The following NKAIN3 variants were observed in gnomAD, a reference collection of about 807,000 sequenced individuals.
The protein encoded by NKAIN3 is sodium/potassium-transporting ATPase subunit beta-1-interacting protein 3.
A neutral mutation model predicts 30.2 loss-of-function variants in NKAIN3; 25 were observed. The ratio of observed to expected loss-of-function variants is 0.83; its 90% CI spans 0.60 to 1.16. The LOEUF (loss-of-function observed/expected upper bound fraction) is 1.16, where lower values mean the gene tolerates loss of function less well. Ranked by LOEUF, NKAIN3 falls within the 50% of genes most tolerant of loss-of-function variation. NKAIN3 has a pLI of 0.00. For missense variants in NKAIN3, 225 were observed against 254.1 expected, an observed-to-expected ratio of 0.89 and a Z score of 0.78; for synonymous variants, 91 against 89.6, an observed-to-expected ratio of 1.02 and a Z score of -0.09.
At chr8:62,255,106 C>G (rs1015985686) in intron 1 of NKAIN3, among the ~76,000 whole-genome samples, 1 of 151,968 alleles carries the variant, frequency 6.6e-6, no homozygotes, top group African/African-American at 2.4e-5. Flanking sequence ...GGTTATTAAG[C>G]TAAAATGAAG....
At chr8:62,364,967 T>C (rs1374222541) in intron 1 of NKAIN3, among the ~76,000 whole-genome samples, 2 of 152,108 alleles carry the variant, frequency 1.3e-5, no homozygotes, top group African/African-American at 2.4e-5. Flanking sequence ...AGCTGCCCTT[T>C]AGGATGAATC....
intron 1 of NKAIN3, among the ~76,000 whole-genome samples, chr8:62,547,509 G>A (rs892746101): frequency 6.6e-6 from 1 of 152,176 alleles, no homozygotes; most frequent in Non-Finnish European, 1.5e-5. Context: ...AAAACTCAAA[G>A]GCCAGTAATC....
rs569484257 is a variant in NKAIN3 at position 62,979,909 on chromosome 8, C to T, written c.*14502C>T. On this transcript the variant is annotated 3_prime_UTR_variant, in exon 7 of 7. Coordinates refer to ENST00000623646, the MANE Select transcript of NKAIN3 (RefSeq NM_001304533.3). ...CTGCTATTGGCTTACCTGCTCCTCG[C>T]CTTCCCTCTGCTTGGGTCTGAGCAT... The T allele has an allele frequency of 6.6e-6, 1 of 152,390 alleles. No individual in the cohort carries two copies. The highest frequency in any genetic ancestry group is 2.1e-4 in the South Asian group (1 of 4,828). The allele number at this position is 152,390 out of a possible 1,614,324, so 9.4% of individuals were successfully genotyped here.
intron 4 of NKAIN3, among the ~76,000 whole-genome samples, chr8:62,854,547 A>C (rs1820004944): frequency 1.3e-5 from 2 of 152,112 alleles, no homozygotes; most frequent in African/African-American, 2.4e-5. Flanking sequence ...CCATTTGCTC[A>C]GTAAATTTTC....
At chr8:62,953,673 T>G (rs1188972476) in intron 5 of NKAIN3, among the ~76,000 whole-genome samples, 1 of 152,212 alleles carries the variant, frequency 6.6e-6, no homozygotes, top group Non-Finnish European at 1.5e-5. Flanking sequence ...CTGAAACCAA[T>G]AACAACTTAT....
At chr8:62,343,121 G>A (rs1815806063) in intron 1 of NKAIN3, among the ~76,000 whole-genome samples, 1 of 151,878 alleles carries the variant, frequency 6.6e-6, no homozygotes, top group Non-Finnish European at 1.5e-5. Context: ...AATCACTTTG[G>A]AGCCTGCATA....
intron 3 of NKAIN3, among the ~76,000 whole-genome samples, chr8:62,681,634 C>T (rs968812340): frequency 1.3e-5 from 2 of 152,012 alleles, no homozygotes; most frequent in African/African-American, 4.8e-5. Flanking sequence ...GTTAGAAAAT[C>T]ATGTTATTTT....
At chr8:62,686,573 TA>T (rs1020002249) in intron 3 of NKAIN3, among the ~76,000 whole-genome samples, 25 of 152,260 alleles carry the variant, frequency 1.6e-4, no homozygotes, top group African/African-American at 6.0e-4. Flanking sequence ...ATTCCAAATC[TA>T]GGGTTTTTTT....
chr8:62,982,293 C>T lies in NKAIN3; in HGVS notation c.*16886C>T, dbSNP rs1563654194. 6.6e-6 allele frequency: 1 copy of T among 152,152 alleles called. No homozygotes were observed. The allele number at this position is 152,152 out of a possible 1,614,324, so 9.4% of individuals were successfully genotyped here. On this transcript the variant is annotated 3_prime_UTR_variant, in exon 7 of 7. Transcript: ENST00000623646. Reference sequence around the variant, plus strand: ...TTATTGACTTCTACTTAAATAAGATCTTATTTTCATCTGCTGGAAAACTTT... The same window carrying T: ...TTATTGACTTCTACTTAAATAAGATTTTATTTTCATCTGCTGGAAAACTTT...
chr8:62,811,081 C>T (rs991740772), intron 4 of NKAIN3, among the ~76,000 whole-genome samples: 7 of 152,146 alleles, frequency 4.6e-5, no homozygotes, highest in Non-Finnish European at 8.8e-5. Context: ...TGATCTCTGA[C>T]AATCCCTACT....
At chr8:62,991,837 CA>C (rs1824326048) in intron 5 of NKAIN3, among the ~76,000 whole-genome samples, 1 of 152,102 alleles carries the variant, frequency 6.6e-6, no homozygotes, top group Non-Finnish European at 1.5e-5. Context: ...CTTTAAGGGA[CA>C]AAGTGTCCTG....
chr8:62,274,101 G>A (rs1189630708), intron 1 of NKAIN3, among the ~76,000 whole-genome samples: 1 of 152,128 alleles, frequency 6.6e-6, no homozygotes, highest in African/African-American at 2.4e-5. Flanking sequence ...TGATGCCTAT[G>A]GCTGGAGAGT....
chr8:62,802,891 A>G (rs1204468097), intron 4 of NKAIN3, among the ~76,000 whole-genome samples: 2 of 152,240 alleles, frequency 1.3e-5, no homozygotes, highest in Non-Finnish European at 2.9e-5. Context: ...AGAGACACAC[A>G]TAGGCTCAAA....
chr8:62,293,552 A>G (rs1585644752), intron 1 of NKAIN3, among the ~76,000 whole-genome samples: 1 of 152,134 alleles, frequency 6.6e-6, no homozygotes, highest in African/African-American at 2.4e-5. Context: ...CAGAACAGCA[A>G]ATATTGCAGA....
At chr8:62,755,536 CTT>C (rs958601357) in intron 4 of NKAIN3, among the ~76,000 whole-genome samples, 5 of 151,328 alleles carry the variant, frequency 3.3e-5, no homozygotes, top group South Asian at 4.2e-4. Flanking sequence ...ATATTGGACT[CTT>C]TTTTTTTCTC....
chr8:62,993,158 G>A (rs1188630213), intron 5 of NKAIN3, among the ~76,000 whole-genome samples: 1 of 152,012 alleles, frequency 6.6e-6, no homozygotes, highest in Non-Finnish European at 1.5e-5. Context: ...ACCTCTTTCT[G>A]CCCACATTCC....
chr8:62,476,565 T>A (rs1383924956), intron 1 of NKAIN3, among the ~76,000 whole-genome samples: 1 of 152,116 alleles, frequency 6.6e-6, no homozygotes, highest in African/African-American at 2.4e-5. Flanking sequence ...CAAGCGATTC[T>A]CTTGCCTCAG....
At chr8:62,856,041 T>C (rs1820050549) in intron 4 of NKAIN3, 5 of 685,806 alleles carry the variant, frequency 7.3e-6, no homozygotes, top group South Asian at 6.5e-5. Context: ...ATGGTGCTTC[T>C]TCAGCATTAC....
intron 3 of NKAIN3, among the ~76,000 whole-genome samples, chr8:62,690,902 T>A (rs1193614692): frequency 6.6e-6 from 1 of 152,188 alleles, no homozygotes; most frequent in Non-Finnish European, 1.5e-5. Flanking sequence ...CTGCGGATGG[T>A]AACTTCCTTA....
Sources: allele counts gnomAD v4.1 joint callset (sites outside exome capture counted in the v4.1 genomes callset), GRCh38; gene constraint gnomAD v4.1.1; transcripts MANE v1.5; gene names NCBI Gene and HGNC (gene_info 2026-07-23, HGNC 2026-07-21).